Variants in ZNF540 observed in about 807,000 individuals in gnomAD.
ZNF540 encodes the protein zinc finger protein 540.
In ZNF540, 3 loss-of-function variants were observed where a neutral mutation model predicts 11.8. The observed-to-expected ratio is 0.25, with a 90% confidence interval of 0.12 to 0.65. The LOEUF is 0.65. Among genes scored for constraint, ZNF540 ranks in the 30% least tolerant of loss-of-function variants. The probability of loss-of-function intolerance (pLI) is 0.83; values close to 1 mark genes in which losing one functional copy is unlikely to be tolerated. For missense variants in ZNF540, 709 were observed against 793.1 expected (o/e 0.89, Z 1.27); for synonymous variants, 247 against 259.0 (o/e 0.95, Z 0.45).
rs769182601 is a variant in ZNF540, at chr19:37,613,310, ATATT to A, written c.*51_*54del. 7.6e-6 allele frequency: 10 copies of A among 1,319,074 alleles called. No individual in the cohort carries two copies. The South Asian group carries it at 2.0e-4, about 26-fold the overall frequency. 81.7% of individuals were successfully genotyped at this position (1,319,074 alleles called of 1,614,324 possible). ...CATGCTCTATTTATAGAATATCAAA[ATATT>A]TATGGCCAGAAGTTCTGTCAATGTG... On this transcript the variant is annotated 3_prime_UTR_variant, in exon 5 of 5. Transcript: ENST00000316433.
At chr19:37,586,767 C>G in intron 1 of ZNF540, 2 of 1,364,284 alleles carry the variant, frequency 1.5e-6, no homozygotes, top group South Asian at 2.5e-5. Context: ...AAAGAAGCCA[C>G]AAGATTAGAC....
chr19:37,565,215 T>C, intron 1 of ZNF540: 2 of 1,613,326 alleles, frequency 1.2e-6, no homozygotes, highest in Non-Finnish European at 1.7e-6. Flanking sequence ...TGAATAAGAT[T>C]AGAATTAGAA....
upstream of ZNF540, among the ~76,000 whole-genome samples, chr19:37,591,011 A>T (rs1209135955): frequency 1.3e-5 from 2 of 152,248 alleles, no homozygotes; most frequent in African/African-American, 4.8e-5. Context: ...CAGAGATACA[A>T]GTATAAAATC....
At chr19:37,580,310 T>C (rs1371847703) in intron 1 of ZNF540, among the ~76,000 whole-genome samples, 1 of 152,276 alleles carries the variant, frequency 6.6e-6, no homozygotes, top group African/African-American at 2.4e-5. Flanking sequence ...TAACATGTTC[T>C]ATCAATAGCT....
At chr19:37,598,557 C>A in intron 2 of ZNF540, 101 bp downstream of exon 2, 1 of 1,361,288 alleles carries the variant, frequency 7.3e-7, no homozygotes, top group Non-Finnish European at 1.0e-6. Flanking sequence ...ATTTTTTCTT[C>A]ATCCCCACAT....
rs988078569 is a variant in ZNF540 at position 37,555,884 on chromosome 19, C to T, written c.-73+4219C>T. 32 of 700,468 alleles carry T rather than the reference C, an allele frequency of 4.6e-5. No homozygotes were observed. The Middle Eastern group carries it at 1.8e-3, about 40-fold the overall frequency. 43.4% of individuals were successfully genotyped at this position (700,468 alleles called of 1,614,324 possible). A position where few individuals can be genotyped will look rare whatever the true frequency, so the allele number is the denominator to read the frequency against. ...AGTACATAATTTAGGACGAGAAGCA[C>T]GAGTTATGGAATGAAGATCTGGTTG... On this transcript the variant is annotated intron_variant, in intron 1 of 4. Coordinates refer to the ZNF540 transcript ENST00000592533.
chr19:37,611,608 A>C lies in ZNF540; in HGVS notation c.328A>C (p.Thr110Pro), dbSNP rs1372668240. 1 of 1,613,752 alleles carries C rather than the reference A, an allele frequency of 6.2e-7. No individual in the cohort carries two copies. Among genetic ancestry groups the C allele is most frequent in the South Asian group, 1.1e-5 (1 of 91,070 alleles). ...AGAGAGTATAATAGAAAAAAGTAAA[A>C]CTCTTCGTCTGAAAGGATCCATTTT... is the stretch of plus-strand genomic sequence containing the variant. The part of the protein sequence containing the change: ...SKESIIEKSK[T>P]LRLKGSIFRN... The change falls in exon 5 of 5, where the codon ACT becomes CCT. Residue 110 changes from threonine (T) to proline (P), a missense_variant. Coordinates refer to ENST00000316433, the MANE Select transcript of ZNF540 (RefSeq NM_001172225.3).
chr19:37,612,182 G>A lies in ZNF540; in HGVS notation c.902G>A (p.Cys301Tyr). Reference protein sequence around the residue: ...RIHTGKKSYECKECGKVFQLI... With the variant: ...RIHTGKKSYEYKECGKVFQLI... ...CATACTGGTAAGAAATCTTATGAAT[G>A]TAAAGAATGTGGAAAAGTTTTTCAA... The change falls in exon 5 of 5, where the codon TGT (cysteine) becomes TAT (tyrosine). Residue 301 changes from cysteine (C) to tyrosine (Y), a missense_variant. Physicochemically the swap from Cys to Tyr is radical, Grantham distance 194. Transcript: ENST00000316433. The A allele has an allele frequency of 6.2e-7, 1 of 1,611,882 alleles. No homozygotes were observed. Among genetic ancestry groups the A allele is most frequent in the Non-Finnish European group, 8.5e-7 (1 of 1,179,684 alleles).
chr19:37,554,930 A>G (rs948048515), intron 1 of ZNF540: 3 of 152,238 alleles, frequency 2.0e-5, no homozygotes, highest in Non-Finnish European at 4.4e-5. Context: ...TTACAGAAAT[A>G]AAGTAGGCAA....
chr19:37,602,080 A>G (rs2147227639), intron 4 of ZNF540, among the ~76,000 whole-genome samples: 2 of 152,300 alleles, frequency 1.3e-5, no homozygotes, highest in South Asian at 4.1e-4. Flanking sequence ...CAGTGAAGGT[A>G]GCTTGGATTG....
chr19:37,576,367 C>G (rs182532868), intron 1 of ZNF540, among the ~76,000 whole-genome samples: 6 of 152,216 alleles, frequency 3.9e-5, no homozygotes, highest in Admixed American at 3.9e-4. Flanking sequence ...GTAACACTTG[C>G]AACTATCTGC....
chr19:37,611,463 A>G, intron 4 of ZNF540, 50 bp from the exon 5 acceptor site: 1 of 1,447,724 alleles, frequency 6.9e-7, no homozygotes, highest in Non-Finnish European at 9.3e-7. Context: ...ACTTTATGTT[A>G]TGCTGGCTAC....
chr19:37,589,353 C>G (rs1385327785), intron 1 of ZNF540, among the ~76,000 whole-genome samples: 1 of 151,240 alleles, frequency 6.6e-6, no homozygotes, highest in Non-Finnish European at 1.5e-5. Context: ...AGACAAATGA[C>G]AAAATGGGAG....
chr19:37,560,728 A>G (rs2042707289), intron 1 of ZNF540: 1 of 152,230 alleles, frequency 6.6e-6, no homozygotes, highest in Admixed American at 6.5e-5. Flanking sequence ...TGATGGTAAC[A>G]AAACTCAAAG....
chr19:37,557,240 A>AGG (rs1384705421), intron 1 of ZNF540, among the ~76,000 whole-genome samples: 1 of 152,180 alleles, frequency 6.6e-6, no homozygotes, highest in Non-Finnish European at 1.5e-5. Context: ...GGCTGGGTTT[A>AGG]GGACCTTGTT....
At chr19:37,559,949 A>G (rs1489776704) in intron 1 of ZNF540, among the ~76,000 whole-genome samples, 1 of 152,230 alleles carries the variant, frequency 6.6e-6, no homozygotes, top group Non-Finnish European at 1.5e-5. Flanking sequence ...AAGTTTTAAC[A>G]GCAGATGAGT....
intron 1 of ZNF540, among the ~76,000 whole-genome samples, chr19:37,574,745 AAT>A (rs2043185948): frequency 2.6e-5 from 4 of 152,198 alleles, no homozygotes; most frequent in Non-Finnish European, 5.9e-5. Context: ...TGATAGTTTC[AAT>A]AACCATCTCC....
At chr19:37,602,593 T>G (rs1330597672) in intron 4 of ZNF540, among the ~76,000 whole-genome samples, 2 of 152,122 alleles carry the variant, frequency 1.3e-5, no homozygotes, top group Non-Finnish European at 2.9e-5. Context: ...GCGAATGAGT[T>G]TCATAGAATG....
At chr19:37,584,744 C>T (rs1267570590) in intron 1 of ZNF540, among the ~76,000 whole-genome samples, 1 of 151,940 alleles carries the variant, frequency 6.6e-6, no homozygotes, top group Non-Finnish European at 1.5e-5. Context: ...GGGCGGATCA[C>T]GAGGTCAGGA....
Sources: gnomAD v4.1 joint callset for allele counts (sites outside exome capture counted in the v4.1 genomes callset) on GRCh38, gnomAD v4.1.1 for gene constraint, MANE v1.5 for transcripts, NCBI Gene and HGNC (gene_info 2026-07-23, HGNC 2026-07-21) for gene names.